Variants in ANKS6 observed in about 807,000 individuals in gnomAD.
The protein encoded by ANKS6 is ankyrin repeat and SAM domain-containing protein 6.
A neutral mutation model predicts 77.9 loss-of-function variants in ANKS6; 47 were observed. The observed-to-expected ratio is 0.60, with a 90% CI of 0.48 to 0.77. The LOEUF is 0.77. Ranked by LOEUF, ANKS6 falls within the 30% of genes least tolerant of loss-of-function variation. The pLI is 0.00. For synonymous variants in ANKS6, 488 were observed against 501.7 expected (o/e 0.97, Z 0.37); for missense variants, 1,150 against 1,159.1 (o/e 0.99, Z 0.11).
At chr9:98,777,211 C>T (rs1285201755) in intron 8 of ANKS6, among the ~76,000 whole-genome samples, 194 bp downstream of exon 8, 1 of 152,194 alleles carries the variant, frequency 6.6e-6, no homozygotes, top group African/African-American at 2.4e-5. Context: ...CCAGCACAGC[C>T]CTCTCCACAG....
In ANKS6 at chr9:98,756,517, G is replaced by A. The variant is rs1832714521; in HGVS notation, c.2229C>T (p.Pro743=). The A allele has an allele frequency of 6.2e-7, 1 of 1,609,420 alleles. No individual in the cohort carries two copies. Among genetic ancestry groups the A allele is most frequent in the South Asian group, 1.1e-5 (1 of 90,430 alleles). ...TSPTLTPSPS[P]KGHTAESSVS... ...CTGAGGACTCTGCAGTGTGCCCTTT[G>A]GGTGAGGGGGAGGGCGTGAGGGTTG... is the stretch of plus-strand genomic sequence containing the variant. The change falls in exon 12 of 15, where the codon CCC becomes CCT. Residue 743 remains proline, a synonymous_variant. Coordinates refer to ENST00000353234, the MANE Select transcript of ANKS6 (RefSeq NM_173551.5).
rs1382435314 is a variant in ANKS6, at chr9:98,796,147, G to A, written c.345C>T (p.Leu115=). 1 of 1,392,538 alleles carries A rather than the reference G, an allele frequency of 7.2e-7. No individual in the cohort carries two copies. The highest frequency in any genetic ancestry group is 1.5e-5 in the South Asian group (1 of 64,632). 86.3% of individuals were successfully genotyped at this position (1,392,538 alleles called of 1,614,324 possible). Residue 115 remains leucine (L), a synonymous_variant, in exon 1 of 15, where the codon CTC becomes CTT. Coordinates refer to ENST00000353234, the MANE Select transcript of ANKS6 (RefSeq NM_173551.5). The part of the protein sequence containing the change: ...NSRNHYGWSA[L]MQAARFGHVS... The stretch of plus-strand genomic sequence containing the variant: ...CGCCGCCTCACCTGGCCGCCTGCAT[G>A]AGCGCGCTCCAGCCGTAGTGGTTGC...
At chr9:98,753,000 C>T (rs1164728550) in intron 12 of ANKS6, among the ~76,000 whole-genome samples, 1 of 152,046 alleles carries the variant, frequency 6.6e-6, no homozygotes, top group Non-Finnish European at 1.5e-5. Flanking sequence ...CTGTTCCCTA[C>T]ACATGCAGCC....
Position 98,779,996 on chromosome 9 carries a change from T to C in ANKS6, c.1368+193A>G, listed in dbSNP as rs1483708003. 2.6e-5 allele frequency among the ~76,000 whole-genome samples: 4 copies of C among 152,204 alleles called. 1 individual carries two copies. ...CACATTCTTACAAAGCAGCCACTGT[T>C]GCCACAACATGGTCACAGTCTCCCC... On this transcript the variant is annotated intron_variant, in intron 6 of 14. Transcript: ENST00000353234.
chr9:98,760,538 G>T (rs983103364), intron 11 of ANKS6, among the ~76,000 whole-genome samples: 1 of 152,164 alleles, frequency 6.6e-6, no homozygotes, highest in African/African-American at 2.4e-5. Context: ...TAAGGATTTA[G>T]GAATTGTATG....
chr9:98,785,454 A>G (rs1444156142), intron 2 of ANKS6, among the ~76,000 whole-genome samples: 1 of 152,174 alleles, frequency 6.6e-6, no homozygotes, highest in Non-Finnish European at 1.5e-5. Context: ...CCGCTGCCCA[A>G]CTGGGCATCT....
chr9:98,785,917 A>AC (rs1167237007), intron 2 of ANKS6, among the ~76,000 whole-genome samples: 1 of 152,210 alleles, frequency 6.6e-6, no homozygotes, highest in Non-Finnish European at 1.5e-5. Flanking sequence ...GCAGGGATCA[A>AC]ATGATAATGT....
intron 12 of ANKS6, 120 bp downstream of exon 12, chr9:98,756,300 A>T: frequency 9.0e-7 from 1 of 1,116,166 alleles, no homozygotes; most frequent in Non-Finnish European, 1.2e-6. Flanking sequence ...TGTTTGTCGT[A>T]AATCTTCTTA....
chr9:98,733,016 A>C lies in ANKS6; in HGVS notation c.*3503T>G, dbSNP rs1349199828. On this transcript the variant is annotated 3_prime_UTR_variant, in exon 15 of 15. Coordinates refer to ENST00000353234, the MANE Select transcript of ANKS6 (RefSeq NM_173551.5). ...GTGCCCAGGCTGAGCCTGAGCCATC[A>C]TCGATGACTTTCCCTGAGCTGTATA... The C allele has an allele frequency of 1.1e-6, 1 of 908,226 alleles. No homozygotes were observed. Among genetic ancestry groups the C allele is most frequent in the East Asian group, 1.0e-4 (1 of 9,620 alleles). The allele number at this position is 908,226 out of a possible 1,614,324, so 56.3% of individuals were successfully genotyped here.
intron 1 of ANKS6, 139 bp from the exon 2 acceptor site, chr9:98,790,745 CCA>C: frequency 8.3e-7 from 1 of 1,208,346 alleles, no homozygotes; most frequent in Non-Finnish European, 1.1e-6. Context: ...AGGCACTGTG[CCA>C]GCCACATGGA....
At chr9:98,738,069 T>C (rs1831600630) in intron 14 of ANKS6, among the ~76,000 whole-genome samples, 1 of 152,210 alleles carries the variant, frequency 6.6e-6, no homozygotes, top group Non-Finnish European at 1.5e-5. Flanking sequence ...ACTCTCAGCT[T>C]ATTCAAAAAT....
In ANKS6 at chr9:98,790,135, C is replaced by G; in HGVS notation, c.831G>C (p.Leu277=). ...TGGGCCTGACGGTGGTCAGCGGGTC[C>G]AGGTAGTCTACAAGGTCCCTGTGCT... The part of the protein sequence containing the change: ...DCKHRDLVDY[L]DPLTTVRPKT... The change falls in exon 2 of 15, where the codon CTG becomes CTC. Residue 277 remains leucine (L), a synonymous_variant. Coordinates refer to ENST00000353234, the MANE Select transcript of ANKS6 (RefSeq NM_173551.5). 6.3e-7 allele frequency: 1 copy of G among 1,578,530 alleles called. No individual in the cohort carries two copies. The highest frequency in any genetic ancestry group is 8.7e-7 in the Non-Finnish European group (1 of 1,154,646).
intron 13 of ANKS6, among the ~76,000 whole-genome samples, chr9:98,750,798 T>C (rs1015220748): frequency 5.9e-5 from 9 of 152,142 alleles, no homozygotes; most frequent in African/African-American, 2.2e-4. Flanking sequence ...GAAACTTTTC[T>C]AGAGAGAGCA....
At position 98,766,106 on chromosome 9, in the gene ANKS6, G is replaced by T. The variant is rs115688921; in HGVS notation, c.2142+1975C>A. 1.5e-3 allele frequency among the ~76,000 whole-genome samples: 228 copies of T among 152,214 alleles called. 1 individual carries two copies. The highest frequency in any genetic ancestry group is 5.2e-3 in the African/African-American group (216 of 41,538). ...TGGAGCCCAGAAACCTGAATTTTTA[G>T]ATAGCTCCTCAAGATCATAACATAC... On this transcript the variant is annotated intron_variant, in intron 11 of 14. Transcript: ENST00000353234.
chr9:98,752,772 T>C (rs1182874644), intron 12 of ANKS6, among the ~76,000 whole-genome samples: 1 of 152,186 alleles, frequency 6.6e-6, no homozygotes, highest in Non-Finnish European at 1.5e-5. Flanking sequence ...ACCAGGCCTG[T>C]GCTAGGCGCC....
At chr9:98,749,049 G>T (rs958220131) in intron 13 of ANKS6, among the ~76,000 whole-genome samples, 1 of 152,166 alleles carries the variant, frequency 6.6e-6, no homozygotes, top group African/African-American at 2.4e-5. Context: ...AATCAGCAGG[G>T]TTAAAACCTC....
intron 5 of ANKS6, among the ~76,000 whole-genome samples, chr9:98,781,164 T>C (rs1181631501): frequency 6.6e-6 from 1 of 152,226 alleles, no homozygotes; most frequent in African/African-American, 2.4e-5. Flanking sequence ...CCTCCCAAAG[T>C]GCTGGGATTA....
chr9:98,774,428 G>A (rs766787035), intron 8 of ANKS6, among the ~76,000 whole-genome samples: 5 of 152,198 alleles, frequency 3.3e-5, no homozygotes, highest in South Asian at 2.1e-4. Flanking sequence ...CACAGTGAAG[G>A]CACCTTTGTG....
chr9:98,743,602 C>A (rs1564175674), intron 14 of ANKS6, among the ~76,000 whole-genome samples: 1 of 152,222 alleles, frequency 6.6e-6, no homozygotes, highest in Non-Finnish European at 1.5e-5. Flanking sequence ...GCTCTCACAG[C>A]ACCACCTGCC....
Sources: gnomAD v4.1 joint callset for allele counts (sites outside exome capture counted in the v4.1 genomes callset) on GRCh38, gnomAD v4.1.1 for gene constraint, MANE v1.5 for transcripts, NCBI Gene and HGNC (gene_info 2026-07-23, HGNC 2026-07-21) for gene names.